Variants in IL1RAPL1 observed in about 807,000 individuals in gnomAD.
IL1RAPL1 encodes the protein interleukin 1 receptor accessory protein like 1.
IL1RAPL1 carries 3 observed loss-of-function variants against 48.4 expected under a neutral mutation model. The ratio of observed to expected loss-of-function variants is 0.06; its 90% confidence interval spans 0.03 to 0.16. IL1RAPL1 has a LOEUF of 0.16. Ranked by LOEUF, IL1RAPL1 falls within the 10% of genes least tolerant of loss-of-function variation. The probability of loss-of-function intolerance (pLI) is 1.00; values close to 1 mark genes in which losing one functional copy is unlikely to be tolerated. For synonymous variants in IL1RAPL1, 185 were observed against 187.7 expected (o/e 0.99, Z 0.12); for missense variants, 349 against 530.6 (o/e 0.66, Z 3.36).
intron 2 of IL1RAPL1, among the ~76,000 whole-genome samples, chrX:29,240,193 CACATATATATATATATAT>C (rs1443994109): frequency 5.5e-5 from 2 of 36,638 alleles, no homozygotes; most frequent in Non-Finnish European, 4.5e-5. Flanking sequence ...TACACACACA[CACATATATATATATATAT>C]ATATATATAT....
chrX:29,241,681 T>C (rs1252491945), intron 2 of IL1RAPL1, among the ~76,000 whole-genome samples: 4 of 112,241 alleles, frequency 3.6e-5, no homozygotes, highest in Admixed American at 2.8e-4. Context: ...CTTGCTACTT[T>C]ACTGTTTTCT....
At chrX:29,115,234 A>G (rs1185839883) in intron 2 of IL1RAPL1, among the ~76,000 whole-genome samples, 3 of 111,904 alleles carry the variant, frequency 2.7e-5, no homozygotes, top group Non-Finnish European at 3.8e-5. Context: ...GCTTTCTGCA[A>G]CTGTTTCATA....
intron 6 of IL1RAPL1, among the ~76,000 whole-genome samples, chrX:29,792,885 A>G (rs1929667784): frequency 1.8e-5 from 2 of 111,922 alleles, no homozygotes; most frequent in Admixed American, 1.9e-4. Context: ...GCTAGAAAAT[A>G]TTAGAAAGCA....
At chrX:29,632,391 C>T (rs1007727268) in intron 5 of IL1RAPL1, among the ~76,000 whole-genome samples, 3 of 110,716 alleles carry the variant, frequency 2.7e-5, no homozygotes, top group Non-Finnish European at 5.7e-5. Flanking sequence ...CCCCGTGATC[C>T]GCCCACCTCG....
intron 6 of IL1RAPL1, among the ~76,000 whole-genome samples, chrX:29,700,026 A>G (rs1406277805): frequency 1.8e-5 from 2 of 111,458 alleles, no homozygotes; most frequent in African/African-American, 6.5e-5. Context: ...TCTTTTTGTG[A>G]TCTTGTGTTA....
At chrX:29,588,928 G>A (rs773074215) in intron 5 of IL1RAPL1, among the ~76,000 whole-genome samples, 17 of 111,866 alleles carry the variant, frequency 1.5e-4, no homozygotes, top group Non-Finnish European at 3.0e-4. Flanking sequence ...GGAGCAAGCC[G>A]TGCTCCAGAT....
chrX:29,613,531 TAA>T (rs1417808275), intron 5 of IL1RAPL1, among the ~76,000 whole-genome samples: 1 of 111,124 alleles, frequency 9.0e-6, no homozygotes, highest in Non-Finnish European at 1.9e-5. Context: ...TCTTAATTCA[TAA>T]AGAGACTCTT....
intron 2 of IL1RAPL1, among the ~76,000 whole-genome samples, chrX:28,953,680 C>CA (rs891922085): frequency 1.0e-4 from 11 of 110,533 alleles, no homozygotes; most frequent in African/African-American, 3.6e-4. Context: ...GTACTCATTG[C>CA]AAAAAAACAT....
intron 2 of IL1RAPL1, among the ~76,000 whole-genome samples, chrX:28,870,454 A>C (rs999141062): frequency 9.0e-6 from 1 of 111,379 alleles, no homozygotes; most frequent in Non-Finnish European, 1.9e-5. Flanking sequence ...TGCTTTCATC[A>C]CCAAATAACA....
intron 2 of IL1RAPL1, among the ~76,000 whole-genome samples, chrX:29,248,682 A>G (rs1931557927): frequency 8.9e-6 from 1 of 112,435 alleles, no homozygotes; most frequent in Admixed American, 9.4e-5. Context: ...GGTATAGAGA[A>G]TTAGGTGTTC....
Position 29,148,159 on chromosome X carries a change from A to G in IL1RAPL1, c.83-134779A>G, listed in dbSNP as rs1001423037. Among the ~76,000 whole-genome samples the G allele has an allele frequency of 2.9e-4, 32 of 112,076 alleles. 1 individual carries two copies. Among genetic ancestry groups the G allele is most frequent in the African/African-American group, 1.0e-3 (32 of 30,892 alleles). ...GACATACAAATACAGTCATATATAC[A>G]TACATATATAGTCTATACATAATAG... On this transcript the variant is annotated intron_variant, in intron 2 of 10. Coordinates refer to ENST00000378993, the MANE Select transcript of IL1RAPL1 (RefSeq NM_014271.4).
chrX:28,977,047 C>T (rs990330830), intron 2 of IL1RAPL1, among the ~76,000 whole-genome samples: 2 of 112,134 alleles, frequency 1.8e-5, no homozygotes, highest in Non-Finnish European at 3.8e-5. Flanking sequence ...CTATAATTTG[C>T]TGATTCCTGT....
At chrX:29,227,350 G>A (rs1931103153) in intron 2 of IL1RAPL1, among the ~76,000 whole-genome samples, 1 of 109,974 alleles carries the variant, frequency 9.1e-6, no homozygotes, top group South Asian at 3.7e-4. Context: ...GAATGTTATT[G>A]TTTTTAAAGA....
intron 5 of IL1RAPL1, among the ~76,000 whole-genome samples, chrX:29,535,705 T>C (rs1287120637): frequency 8.9e-6 from 1 of 112,157 alleles, no homozygotes; most frequent in Non-Finnish European, 1.9e-5. Flanking sequence ...CGATAAAATA[T>C]TGAACTAGTA....
chrX:29,225,461 A>G (rs1931059835), intron 2 of IL1RAPL1, among the ~76,000 whole-genome samples: 1 of 112,095 alleles, frequency 8.9e-6, no homozygotes, highest in Non-Finnish European at 1.9e-5. Context: ...GTTAAACTGC[A>G]AATTCGGATT....
intron 5 of IL1RAPL1, among the ~76,000 whole-genome samples, chrX:29,628,482 A>C (rs1924677172): frequency 8.9e-6 from 1 of 111,745 alleles, no homozygotes; most frequent in African/African-American, 3.3e-5. Context: ...TGTTACTGAA[A>C]AGAGTCCAGC....
chrX:28,599,251 CAA>C (rs771389258), intron 1 of IL1RAPL1, among the ~76,000 whole-genome samples: 15 of 55,818 alleles, frequency 2.7e-4, no homozygotes, highest in Admixed American at 4.4e-4. Flanking sequence ...GACTCCATCT[CAA>C]AAAAAAAAAA....
intron 5 of IL1RAPL1, among the ~76,000 whole-genome samples, chrX:29,522,098 T>C (rs1935508950): frequency 8.9e-6 from 1 of 112,187 alleles, no homozygotes; most frequent in African/African-American, 3.2e-5. Context: ...CTACAGCATT[T>C]ATCAGTCGTT....
intron 2 of IL1RAPL1, among the ~76,000 whole-genome samples, chrX:29,052,731 G>A (rs1927122981): frequency 9.0e-6 from 1 of 110,918 alleles, no homozygotes; most frequent in Non-Finnish European, 1.9e-5. Context: ...GAATGCAATG[G>A]CATGATCTCA....
Sources: allele counts gnomAD v4.1 joint callset (sites outside exome capture counted in the v4.1 genomes callset), GRCh38; gene constraint gnomAD v4.1.1; transcripts MANE v1.5; gene names NCBI Gene and HGNC (gene_info 2026-07-23, HGNC 2026-07-21).